Variants in MTMR8 observed in about 807,000 individuals in gnomAD.
The protein encoded by MTMR8 is phosphatidylinositol-3,5-bisphosphate 3-phosphatase MTMR8.
Under a neutral mutation model 39.3 loss-of-function variants are expected in MTMR8, and 65 were observed. That is an observed-to-expected ratio of 1.65 (90% CI 1.35 to 2.03). The LOEUF (loss-of-function observed/expected upper bound fraction) is 2.03. Ranked by LOEUF, MTMR8 falls within the 30% of genes most tolerant of loss-of-function variation. The pLI, the probability that MTMR8 is intolerant of heterozygous loss-of-function variation, is 0.00. For synonymous variants in MTMR8, 245 were observed against 185.2 expected (o/e 1.32, Z -2.62); for missense variants, 777 against 538.9 (o/e 1.44, Z -4.37).
Position 64,350,027 on chromosome X carries a change from A to G in MTMR8, c.512T>C (p.Val171Ala). 1 of 1,192,545 alleles carries G rather than the reference A, an allele frequency of 8.4e-7. No individual in the cohort carries two copies. Among genetic ancestry groups the G allele is most frequent in the African/African-American group, 1.7e-5 (1 of 57,238 alleles). The stretch of plus-strand genomic sequence containing the variant: ...ACTTCCAACCACCGTTCCCAAGGTA[A>G]CAGATTTAGGAACCACTATTTCAGG... ...YPPEIVVPKS[V>A]TLGTVVGSSK... Residue 171 changes from valine (V) to alanine (A), a missense_variant, in exon 5 of 14, where the codon GTT becomes GCT. Transcript: ENST00000374852.
intron 12 of MTMR8, among the ~76,000 whole-genome samples, chrX:64,316,171 T>G (rs1922460746): frequency 8.9e-6 from 1 of 112,376 alleles, no homozygotes; most frequent in South Asian, 3.6e-4. Flanking sequence ...GTCTATTGTA[T>G]TTATACATAT....
intron 12 of MTMR8, among the ~76,000 whole-genome samples, chrX:64,296,497 A>G (rs1396956889): frequency 9.0e-6 from 1 of 110,553 alleles, no homozygotes; most frequent in Non-Finnish European, 1.9e-5. Flanking sequence ...AAACAAGCAA[A>G]AAATACCATG....
intron 12 of MTMR8, among the ~76,000 whole-genome samples, chrX:64,278,445 C>T (rs1457872007): frequency 1.6e-5 from 1 of 62,193 alleles, no homozygotes; most frequent in Non-Finnish European, 3.2e-5. Flanking sequence ...GATGTTGATG[C>T]TATTTATTTT....
chrX:64,365,012 G>A (rs1223840867), intron 1 of MTMR8, among the ~76,000 whole-genome samples: 2 of 111,410 alleles, frequency 1.8e-5, no homozygotes, highest in Non-Finnish European at 3.8e-5. Flanking sequence ...AAGGGTATCA[G>A]TGACTGAAAA....
intron 12 of MTMR8, among the ~76,000 whole-genome samples, chrX:64,287,430 C>G (rs1208849998): frequency 9.0e-6 from 1 of 111,439 alleles, no homozygotes; most frequent in East Asian, 2.8e-4. Context: ...CATCAAGCTA[C>G]CAATGACTTT....
In MTMR8 at chrX:64,320,653, G is replaced by C. The variant is rs949507781; in HGVS notation, c.1481+8119C>G. Among the ~76,000 whole-genome samples the C allele has an allele frequency of 7.3e-5, 8 of 109,982 alleles. No homozygotes were observed. In the Admixed American group the frequency reaches 7.9e-4, roughly 11 times the overall value. ...GAATAAAAAGCCTGGGAAGGAAAAG[G>C]CTGGGGAAGCAGATACATGAGAAAA... On this transcript the variant is annotated intron_variant, in intron 12 of 13. Coordinates refer to ENST00000374852, the MANE Select transcript of MTMR8 (RefSeq NM_017677.4).
At chrX:64,327,697 T>C (rs1426477281) in intron 12 of MTMR8, among the ~76,000 whole-genome samples, 1 of 112,146 alleles carries the variant, frequency 8.9e-6, no homozygotes. Context: ...CCAAAGAAAA[T>C]GAAGTCATTG....
At chrX:64,364,953 T>C (rs186501831) in intron 1 of MTMR8, among the ~76,000 whole-genome samples, 20 of 111,262 alleles carry the variant, frequency 1.8e-4, no homozygotes, top group Non-Finnish European at 3.6e-4. Flanking sequence ...GCACGAGAAC[T>C]TCATGATGCA....
chrX:64,393,055 G>A (rs1371161605), intron 1 of MTMR8, among the ~76,000 whole-genome samples: 2 of 111,844 alleles, frequency 1.8e-5, no homozygotes, highest in African/African-American at 3.2e-5. Context: ...GTCTTCATTT[G>A]GAGTTTTTAT....
chrX:64,385,582 G>A (rs1186905762), intron 1 of MTMR8, among the ~76,000 whole-genome samples: 1 of 111,904 alleles, frequency 8.9e-6, no homozygotes. Context: ...AATGGTGGTG[G>A]TATCTGCACA....
At chrX:64,336,022 T>C (rs1418248698) in intron 10 of MTMR8, 57 bp downstream of exon 10, 3 of 909,609 alleles carry the variant, frequency 3.3e-6, no homozygotes, top group Non-Finnish European at 4.6e-6. Context: ...GGTTTTGATA[T>C]ACTTCACCCT....
intron 1 of MTMR8, among the ~76,000 whole-genome samples, chrX:64,365,513 C>A (rs760512926): frequency 3.6e-5 from 4 of 111,718 alleles, no homozygotes; most frequent in Non-Finnish European, 7.5e-5. Context: ...CCAAACTAAG[C>A]TTCATAAGTG....
At chrX:64,309,282 A>T (rs1922222312) in intron 12 of MTMR8, among the ~76,000 whole-genome samples, 2 of 111,726 alleles carry the variant, frequency 1.8e-5, no homozygotes, top group African/African-American at 6.5e-5. Flanking sequence ...ATTTCATCAG[A>T]TTTTTATAGT....
intron 12 of MTMR8, among the ~76,000 whole-genome samples, chrX:64,326,978 A>T (rs1254452635): frequency 9.0e-6 from 1 of 111,588 alleles, no homozygotes; most frequent in Non-Finnish European, 1.9e-5. Flanking sequence ...ATGGATGCCC[A>T]TATGCAGAAG....
At chrX:64,270,475 C>A (rs1404210618) in intron 13 of MTMR8, among the ~76,000 whole-genome samples, 1 of 112,189 alleles carries the variant, frequency 8.9e-6, no homozygotes, top group African/African-American at 3.2e-5. Context: ...CTTCTGTAAC[C>A]TGTAATTAAA....
intron 1 of MTMR8, among the ~76,000 whole-genome samples, chrX:64,389,090 A>G (rs1480064810): frequency 8.9e-6 from 1 of 112,051 alleles, no homozygotes; most frequent in African/African-American, 3.2e-5. Context: ...TATATTTAAA[A>G]TGAAGATAAT....
intron 1 of MTMR8, among the ~76,000 whole-genome samples, chrX:64,363,580 A>G (rs1362437920): frequency 8.9e-6 from 1 of 112,345 alleles, no homozygotes; most frequent in African/African-American, 3.2e-5. Context: ...ACTGTGAGCC[A>G]ATTAAACTTC....
intron 1 of MTMR8, among the ~76,000 whole-genome samples, chrX:64,375,114 C>T (rs1423295658): frequency 1.9e-5 from 2 of 106,915 alleles, no homozygotes; most frequent in African/African-American, 3.4e-5. Context: ...AATCCCAGCA[C>T]TTTTGGGAGG....
intron 10 of MTMR8, among the ~76,000 whole-genome samples, chrX:64,334,361 T>C (rs1366265478): frequency 9.1e-6 from 1 of 109,976 alleles, no homozygotes; most frequent in Non-Finnish European, 1.9e-5. Flanking sequence ...CTGAATACCC[T>C]TGTATCTATA....
Sources: gnomAD v4.1 joint callset for allele counts (sites outside exome capture counted in the v4.1 genomes callset) on GRCh38, gnomAD v4.1.1 for gene constraint, MANE v1.5 for transcripts, NCBI Gene and HGNC (gene_info 2026-07-23, HGNC 2026-07-21) for gene names.